ROBO1: variants seen among roughly 807,000 people sequenced by gnomAD.
ROBO1 encodes roundabout homolog 1.
A neutral mutation model predicts 195.9 loss-of-function variants in ROBO1; 149 were observed. The observed-to-expected ratio is 0.76, with a 90% CI of 0.67 to 0.87. The LOEUF is 0.87. Among genes scored for constraint, ROBO1 ranks in the 40% least tolerant of loss-of-function variants. The pLI, the probability that ROBO1 is intolerant of heterozygous loss-of-function variation, is 0.00. For synonymous variants in ROBO1, 816 were observed against 733.2 expected (o/e 1.11, Z -1.82); for missense variants, 1,933 against 2,068.3 (o/e 0.93, Z 1.27).
At chr3:79,011,370 C>T (rs546408303) in intron 3 of ROBO1, among the ~76,000 whole-genome samples, 1 of 152,106 alleles carries the variant, frequency 6.6e-6, no homozygotes, top group Non-Finnish European at 1.5e-5. Flanking sequence ...AAGAAAATCA[C>T]GTGCTAAACA....
chr3:79,013,491 C>T (rs1052346497), intron 3 of ROBO1, among the ~76,000 whole-genome samples: 6 of 152,176 alleles, frequency 3.9e-5, no homozygotes, highest in Non-Finnish European at 8.8e-5. Flanking sequence ...ATAATGCCTT[C>T]CTTCCAAATT....
chr3:78,737,542 T>C (rs1316761655), intron 5 of ROBO1, among the ~76,000 whole-genome samples: 1 of 152,160 alleles, frequency 6.6e-6, no homozygotes, highest in Non-Finnish European at 1.5e-5. Context: ...GACAATTCAT[T>C]TCACAGATGG....
At chr3:79,605,086 G>A (rs1474563385) in intron 1 of ROBO1, among the ~76,000 whole-genome samples, 1 of 151,824 alleles carries the variant, frequency 6.6e-6, no homozygotes, top group African/African-American at 2.4e-5. Context: ...TACTAAGGTA[G>A]CTAATGACTT....
intron 4 of ROBO1, among the ~76,000 whole-genome samples, chr3:78,801,200 T>C (rs1433043027): frequency 2.6e-5 from 4 of 152,188 alleles, no homozygotes; most frequent in Non-Finnish European, 5.9e-5. Context: ...TCATAAAAGG[T>C]CATTGATGTA....
At chr3:78,908,190 C>T (rs2038041627) in intron 4 of ROBO1, among the ~76,000 whole-genome samples, 1 of 151,944 alleles carries the variant, frequency 6.6e-6, no homozygotes, top group Non-Finnish European at 1.5e-5. Context: ...TATTTCATTG[C>T]TCTTTTAATT....
chr3:79,720,578 G>A lies in ROBO1; in HGVS notation c.-51+47174C>T, dbSNP rs534031453. On this transcript the variant is annotated intron_variant, in intron 1 of 30. Transcript: ENST00000464233. ...TAGCCATAAATTACTGGAAAAATGT[G>A]TTTCTCTACTATTGCATTAAGTAAC... Among the ~76,000 whole-genome samples the A allele has an allele frequency of 4.6e-5, 7 of 152,206 alleles. No individual in the cohort carries two copies. In the South Asian group the frequency reaches 1.0e-3, roughly 23 times the overall value.
intron 8 of ROBO1, among the ~76,000 whole-genome samples, chr3:78,703,716 A>G (rs907795278): frequency 6.6e-6 from 1 of 152,034 alleles, no homozygotes; most frequent in Non-Finnish European, 1.5e-5. Flanking sequence ...ATCCATACAT[A>G]CAAGCAGTGG....
rs11127643 is a variant in ROBO1 at position 79,296,164 on chromosome 3, C to T, written c.89-170625G>A. ...CATTCTATAGGGATGGGGAAACGTC[C>T]CTCTTATCAAACTGTCAAAAAATTT... On this transcript the variant is annotated intron_variant, in intron 2 of 30. Coordinates refer to ENST00000464233, the MANE Select transcript of ROBO1 (RefSeq NM_002941.4). Among the ~76,000 whole-genome samples the T allele has an allele frequency of 3.1e-3, 477 of 152,112 alleles. 3 individuals carry two copies. The highest frequency in any genetic ancestry group is 0.011 in the African/African-American group (440 of 41,506).
intron 2 of ROBO1, among the ~76,000 whole-genome samples, chr3:79,521,839 C>T (rs1215874662): frequency 2.0e-5 from 3 of 152,046 alleles, no homozygotes; most frequent in Admixed American, 6.6e-5. Context: ...CACCTGGATG[C>T]TGGTTCCAGG....
chr3:79,746,661 T>C (rs1703889312), intron 1 of ROBO1, among the ~76,000 whole-genome samples: 1 of 152,060 alleles, frequency 6.6e-6, no homozygotes. Flanking sequence ...ACAGAGTATC[T>C]TCCACTTTTG....
intron 1 of ROBO1, among the ~76,000 whole-genome samples, chr3:79,602,651 A>T (rs7433038): frequency 0.57 from 87,120 of 151,764 alleles, 26,841 homozygotes; most frequent in East Asian, 0.71. Flanking sequence ...TGGATTGCAA[A>T]TTAATTTAAT....
At chr3:79,688,723 C>T (rs141543157) in intron 1 of ROBO1, among the ~76,000 whole-genome samples, 122 of 151,928 alleles carry the variant, frequency 8.0e-4, no homozygotes, top group Admixed American at 1.3e-3. Context: ...AAAACTATCG[C>T]CTGTTTTGTT....
intron 2 of ROBO1, among the ~76,000 whole-genome samples, chr3:79,356,415 AAATC>A (rs1259299732): frequency 6.6e-6 from 1 of 152,222 alleles, no homozygotes; most frequent in Non-Finnish European, 1.5e-5. Context: ...AATGCTAATC[AAATC>A]AATCTTTTGA....
chr3:79,699,518 C>T (rs1486831841), intron 1 of ROBO1, among the ~76,000 whole-genome samples: 1 of 151,596 alleles, frequency 6.6e-6, no homozygotes, highest in Non-Finnish European at 1.5e-5. Context: ...AAGGTTGAGA[C>T]CTCTTGAATC....
intron 3 of ROBO1, among the ~76,000 whole-genome samples, chr3:79,011,701 A>T (rs2077783221): frequency 6.7e-6 from 1 of 149,460 alleles, no homozygotes; most frequent in Non-Finnish European, 1.5e-5. Context: ...TTCATAATAT[A>T]TTATATATAT....
chr3:79,651,109 G>A (rs1244154147), intron 1 of ROBO1, among the ~76,000 whole-genome samples: 1 of 151,844 alleles, frequency 6.6e-6, no homozygotes, highest in African/African-American at 2.4e-5. Flanking sequence ...TAAATAACAT[G>A]CAAACACATT....
intron 26 of ROBO1, among the ~76,000 whole-genome samples, chr3:78,620,883 A>ATATGTGTGTGTGTGTG (rs368794312): frequency 0.037 from 5,368 of 144,546 alleles, 259 homozygotes; most frequent in African/African-American, 0.11. Flanking sequence ...ATATATATAT[A>ATATGTGTGTGTGTGTG]TGTGTGTGTG....
intron 2 of ROBO1, among the ~76,000 whole-genome samples, chr3:79,462,567 C>T (rs1450142300): frequency 3.9e-5 from 6 of 152,006 alleles, no homozygotes; most frequent in Non-Finnish European, 1.5e-5. Flanking sequence ...GACAATGAAG[C>T]ACTTTTGTGT....
At chr3:79,215,606 C>A (rs1308994547) in intron 2 of ROBO1, among the ~76,000 whole-genome samples, 2 of 152,118 alleles carry the variant, frequency 1.3e-5, no homozygotes, top group Non-Finnish European at 2.9e-5. Flanking sequence ...AAGGGCCTGA[C>A]AAGACAAAGG....
Sources: gnomAD v4.1 joint callset for allele counts (sites outside exome capture counted in the v4.1 genomes callset) on GRCh38, gnomAD v4.1.1 for gene constraint, MANE v1.5 for transcripts, NCBI Gene and HGNC (gene_info 2026-07-23, HGNC 2026-07-21) for gene names.